The following CALD1 variants were observed in gnomAD, a reference collection of about 807,000 sequenced individuals.
CALD1 encodes the protein caldesmon.
In CALD1, 33 loss-of-function variants were observed where a neutral mutation model predicts 99.9. The observed-to-expected ratio is 0.33, with a 90% CI of 0.25 to 0.44. The LOEUF is 0.44. Ranked by LOEUF, CALD1 falls within the 20% of genes least tolerant of loss-of-function variation. The pLI is 1.00. For synonymous variants in CALD1, 310 were observed against 325.0 expected, an observed-to-expected ratio of 0.95 and a Z score of 0.50; for missense variants, 861 against 962.1, an observed-to-expected ratio of 0.89 and a Z score of 1.39.
At chr7:134,962,713 G>T in intron 13 of CALD1, 1 of 406,676 alleles carries the variant, frequency 2.5e-6, no homozygotes, top group Non-Finnish European at 4.9e-6. Flanking sequence ...GTCTGTTTGA[G>T]CTGGTTTGTC....
In CALD1 at chr7:134,928,737, T is replaced by C; in HGVS notation, c.72-17T>C. ...GGCAAGTGGCACGCTCAAGAGGTTGTCTTTGTAATGTTGCAGAATCGCCTA... is the reference window on the plus strand; with the variant it reads ...GGCAAGTGGCACGCTCAAGAGGTTGCCTTTGTAATGTTGCAGAATCGCCTA... On this transcript the variant is annotated splice_polypyrimidine_tract_variant and intron_variant, in intron 3 of 14. Transcript: ENST00000361675. The C allele has an allele frequency of 6.2e-7, 1 of 1,611,864 alleles. No homozygotes were observed. Among genetic ancestry groups the C allele is most frequent in the East Asian group, 2.2e-5 (1 of 44,804 alleles).
chr7:134,799,716 A>G (rs1797875020), intron 1 of CALD1, among the ~76,000 whole-genome samples: 1 of 152,242 alleles, frequency 6.6e-6, no homozygotes, highest in African/African-American at 2.4e-5. Context: ...ATATAAAGAG[A>G]CCCTGCTTCA....
At chr7:134,830,179 T>C (rs1345485462) in intron 1 of CALD1, among the ~76,000 whole-genome samples, 2 of 152,144 alleles carry the variant, frequency 1.3e-5, no homozygotes, top group Admixed American at 6.6e-5. Flanking sequence ...GCTTGCACCC[T>C]AAGCATTAAA....
intron 1 of CALD1, among the ~76,000 whole-genome samples, chr7:134,761,542 C>G (rs1796778634): frequency 6.6e-6 from 1 of 152,200 alleles, no homozygotes; most frequent in Non-Finnish European, 1.5e-5. Context: ...GTTTACAAAG[C>G]ATGTTCACAT....
At chr7:134,716,796 C>A in the CALD1 span, among the ~76,000 whole-genome samples, 444 of 152,302 alleles carry the variant, frequency 2.9e-3, 4 homozygotes, top group African/African-American at 0.01. Flanking sequence ...ATACTGTAGA[C>A]TTTGATGTGT....
chr7:134,918,340 T>C (rs1365913633), intron 3 of CALD1, among the ~76,000 whole-genome samples: 1 of 152,182 alleles, frequency 6.6e-6, no homozygotes, highest in African/African-American at 2.4e-5. Context: ...CAAGAAATGT[T>C]TGGAAAAGCT....
intron 2 of CALD1, among the ~76,000 whole-genome samples, chr7:134,865,076 T>C (rs1800743556): frequency 6.6e-6 from 1 of 152,102 alleles, no homozygotes; most frequent in South Asian, 2.1e-4. Context: ...TGAGAGTTTG[T>C]TTCCTAACCA....
intron 1 of CALD1, among the ~76,000 whole-genome samples, chr7:134,802,384 T>C (rs1364266721): frequency 1.3e-5 from 2 of 150,670 alleles, no homozygotes; most frequent in East Asian, 4.0e-4. Context: ...GATTCATCCA[T>C]GTTGTTGCAT....
chr7:134,798,172 T>C (rs1295770973), intron 1 of CALD1, among the ~76,000 whole-genome samples: 2 of 152,252 alleles, frequency 1.3e-5, no homozygotes, highest in African/African-American at 4.8e-5. Context: ...ATTGTAGCTA[T>C]ATAGTTGGAA....
At chr7:134,930,972 A>T (rs1383036785) in intron 4 of CALD1, among the ~76,000 whole-genome samples, 5 of 152,196 alleles carry the variant, frequency 3.3e-5, no homozygotes. Context: ...GGTCAACAGG[A>T]GCTTTAAAAA....
At position 134,854,227 on chromosome 7, in the gene CALD1, C is replaced by T. The variant is rs532393858; in HGVS notation, c.-42+10256C>T. On this transcript the variant is annotated intron_variant, in intron 2 of 14. Coordinates refer to ENST00000361675, the MANE Select transcript of CALD1 (RefSeq NM_033138.4). ...ATTTATAATCCTTTGGGTATATACCCAGTAATGGGATTGCTGGGTCAAATG... is the reference window on the plus strand; with the variant it reads ...ATTTATAATCCTTTGGGTATATACCTAGTAATGGGATTGCTGGGTCAAATG... 1.4e-4 allele frequency among the ~76,000 whole-genome samples: 22 copies of T among 152,188 alleles called. No individual in the cohort carries two copies. In the East Asian group the frequency reaches 3.9e-3, roughly 27 times the overall value.
upstream of CALD1, among the ~76,000 whole-genome samples, chr7:134,743,261 G>A (rs1399256298): frequency 6.6e-6 from 1 of 152,120 alleles, no homozygotes; most frequent in Non-Finnish European, 1.5e-5. Context: ...GTTGAGGGGA[G>A]GAGAAGATAG....
intron 1 of CALD1, among the ~76,000 whole-genome samples, chr7:134,767,195 C>G (rs976541235): frequency 4.1e-4 from 61 of 149,002 alleles, no homozygotes; most frequent in African/African-American, 1.4e-3. Flanking sequence ...CTCTCTGTCT[C>G]TGTGTGTGTG....
At chr7:134,735,362 C>A in the CALD1 span, among the ~76,000 whole-genome samples, 1 of 152,128 alleles carries the variant, frequency 6.6e-6, no homozygotes, top group African/African-American at 2.4e-5. Flanking sequence ...CATATTAACA[C>A]ACACCATTCA....
At chr7:134,765,051 T>C (rs1373692868) in intron 1 of CALD1, among the ~76,000 whole-genome samples, 2 of 152,192 alleles carry the variant, frequency 1.3e-5, no homozygotes, top group African/African-American at 4.8e-5. Flanking sequence ...GCGCGGTGGC[T>C]CACGCCTCTG....
At chr7:134,959,356 C>G (rs1808073001) in intron 11 of CALD1, among the ~76,000 whole-genome samples, 1 of 151,868 alleles carries the variant, frequency 6.6e-6, no homozygotes, top group Non-Finnish European at 1.5e-5. Context: ...GCAAAGTGCC[C>G]TTCATACAGT....
intron 3 of CALD1, among the ~76,000 whole-genome samples, chr7:134,869,556 A>G (rs1800966484): frequency 6.6e-6 from 1 of 152,220 alleles, no homozygotes; most frequent in African/African-American, 2.4e-5. Context: ...AGAGCAAAGA[A>G]CTTATAGACG....
the CALD1 span, among the ~76,000 whole-genome samples, chr7:134,728,635 ATTC>A: frequency 6.6e-6 from 1 of 152,112 alleles, no homozygotes; most frequent in Non-Finnish European, 1.5e-5. Flanking sequence ...AGTCACCCCC[ATTC>A]TTCTTAATTC....
chr7:134,883,201 G>C (rs1355031585), intron 3 of CALD1, among the ~76,000 whole-genome samples: 1 of 152,124 alleles, frequency 6.6e-6, no homozygotes, highest in Non-Finnish European at 1.5e-5. Flanking sequence ...CAGAAGGAAA[G>C]GTAATTTGAA....
Sources: allele counts gnomAD v4.1 joint callset (sites outside exome capture counted in the v4.1 genomes callset), GRCh38; gene constraint gnomAD v4.1.1; transcripts MANE v1.5; gene names NCBI Gene and HGNC (gene_info 2026-07-23, HGNC 2026-07-21).